NRXN1: variants seen among roughly 807,000 people sequenced by gnomAD.
The protein encoded by NRXN1 is neurexin 1, also known as neurexin-1.
NRXN1 carries 39 observed loss-of-function variants against 150.9 expected under a neutral mutation model. That is an observed-to-expected ratio of 0.26 (90% CI 0.20 to 0.34). The LOEUF (loss-of-function observed/expected upper bound fraction) is 0.34, where lower values mean the gene tolerates loss of function less well. Ranked by LOEUF, NRXN1 falls within the 10% of genes least tolerant of loss-of-function variation. The pLI, the probability that NRXN1 is intolerant of heterozygous loss-of-function variation, is 1.00. For synonymous variants in NRXN1, 924 were observed against 757.0 expected, an observed-to-expected ratio of 1.22 and a Z score of -3.62; for missense variants, 1,815 against 1,949.9, an observed-to-expected ratio of 0.93 and a Z score of 1.30.
At chr2:50,210,010 T>C (rs899319172) in intron 18 of NRXN1, among the ~76,000 whole-genome samples, 3 of 151,998 alleles carry the variant, frequency 2.0e-5, no homozygotes, top group African/African-American at 7.2e-5. Context: ...TCTCTAACAG[T>C]ATATTTTCCA....
At chr2:50,281,979 T>C (rs1394837697) in intron 17 of NRXN1, among the ~76,000 whole-genome samples, 1 of 152,204 alleles carries the variant, frequency 6.6e-6, no homozygotes, top group African/African-American at 2.4e-5. Flanking sequence ...ATTAATTCCA[T>C]TGTTACCATA....
chr2:50,477,244 G>T (rs935973695), intron 15 of NRXN1, among the ~76,000 whole-genome samples: 1 of 152,046 alleles, frequency 6.6e-6, no homozygotes, highest in Non-Finnish European at 1.5e-5. Flanking sequence ...ACTTATGACT[G>T]CTGGCTGAAA....
chr2:50,432,000 G>T (rs184135637), intron 17 of NRXN1, among the ~76,000 whole-genome samples: 4 of 152,146 alleles, frequency 2.6e-5, no homozygotes, highest in African/African-American at 7.2e-5. Context: ...AATAAGGCAG[G>T]CAATGCTACT....
At chr2:50,479,171 G>T (rs2090238678) in intron 15 of NRXN1, among the ~76,000 whole-genome samples, 1 of 152,052 alleles carries the variant, frequency 6.6e-6, no homozygotes, top group African/African-American at 2.4e-5. Flanking sequence ...CTTTTGCCAG[G>T]TAGAAGATTG....
chr2:50,627,827 G>A (rs1389506552), intron 5 of NRXN1, among the ~76,000 whole-genome samples: 1 of 151,670 alleles, frequency 6.6e-6, no homozygotes, highest in African/African-American at 2.4e-5. Flanking sequence ...TAACAGAAGT[G>A]GGACTAGGAT....
intron 5 of NRXN1, among the ~76,000 whole-genome samples, chr2:50,646,465 C>T (rs1479993061): frequency 6.6e-6 from 1 of 151,942 alleles, no homozygotes; most frequent in Non-Finnish European, 1.5e-5. Context: ...GTTTAAAATT[C>T]TTTAGATAGC....
rs188906677 is a variant in NRXN1, at chr2:50,682,935, T to C, written c.833-59320A>G. Among the ~76,000 whole-genome samples, 6 of 152,254 alleles carry C rather than the reference T, an allele frequency of 3.9e-5. No homozygotes were observed. The East Asian group carries it at 9.7e-4, about 25-fold the overall frequency. ...CACATTTGTATGCAAGTTTTACACA[T>C]ACATCTATACCTATATATGCATATA... On this transcript the variant is annotated intron_variant, in intron 5 of 22. Transcript: ENST00000401669.
intron 15 of NRXN1, among the ~76,000 whole-genome samples, chr2:50,492,514 G>T (rs1339369719): frequency 6.6e-6 from 1 of 152,106 alleles, no homozygotes; most frequent in Non-Finnish European, 1.5e-5. Context: ...ACAGAGCCAC[G>T]GACAAAAGAA....
At chr2:50,891,161 T>C (rs973559003) in intron 5 of NRXN1, among the ~76,000 whole-genome samples, 6 of 152,162 alleles carry the variant, frequency 3.9e-5, no homozygotes, top group African/African-American at 4.8e-5. Flanking sequence ...TAGTGATTTA[T>C]TGAAAGATCT....
At chr2:50,589,969 G>C (rs964382612) in intron 8 of NRXN1, among the ~76,000 whole-genome samples, 1 of 152,178 alleles carries the variant, frequency 6.6e-6, no homozygotes, top group Admixed American at 6.5e-5. Context: ...CTGGAATACA[G>C]CAGATTTTTC....
intron 5 of NRXN1, among the ~76,000 whole-genome samples, chr2:50,892,166 GA>G (rs1234539038): frequency 6.6e-6 from 1 of 152,066 alleles, no homozygotes; most frequent in Non-Finnish European, 1.5e-5. Flanking sequence ...ATAAAGCAGG[GA>G]AACTTGTATT....
chr2:50,137,094 T>A (rs1706532269), intron 18 of NRXN1, among the ~76,000 whole-genome samples: 1 of 151,958 alleles, frequency 6.6e-6, no homozygotes. Flanking sequence ...CCAAGTAGAT[T>A]TTTTTTTACT....
chr2:50,819,190 A>G (rs1174871605), intron 5 of NRXN1, among the ~76,000 whole-genome samples: 1 of 152,120 alleles, frequency 6.6e-6, no homozygotes, highest in African/African-American at 2.4e-5. Context: ...TATTCACCCA[A>G]AGGAACTGAA....
At chr2:50,219,438 A>C (rs958586786) in intron 18 of NRXN1, among the ~76,000 whole-genome samples, 2 of 151,948 alleles carry the variant, frequency 1.3e-5, no homozygotes, top group African/African-American at 2.4e-5. Flanking sequence ...TCTAGTTGAT[A>C]AAAAGGCCCT....
chr2:50,894,511 CTTAA>C (rs1394153859), intron 5 of NRXN1, among the ~76,000 whole-genome samples: 4 of 151,862 alleles, frequency 2.6e-5, no homozygotes, highest in Non-Finnish European at 4.4e-5. Flanking sequence ...ACGCAGAACA[CTTAA>C]TTAATATATT....
chr2:50,354,088 T>G (rs115280842), intron 17 of NRXN1, among the ~76,000 whole-genome samples: 2 of 152,152 alleles, frequency 1.3e-5, no homozygotes, highest in Non-Finnish European at 2.9e-5. Context: ...TGATCCAATA[T>G]AACTACAGGC....
chr2:50,511,804 T>C, intron 12 of NRXN1, among the ~76,000 whole-genome samples: 1 of 152,090 alleles, frequency 6.6e-6, no homozygotes, highest in East Asian at 1.9e-4. Flanking sequence ...AGACACACAC[T>C]CAAAAGATGG....
chr2:50,430,034 C>T (rs1182289042), intron 17 of NRXN1, among the ~76,000 whole-genome samples: 1 of 152,112 alleles, frequency 6.6e-6, no homozygotes, highest in East Asian at 1.9e-4. Flanking sequence ...TTTAACCTAC[C>T]TGACTCAGCC....
intron 2 of NRXN1, among the ~76,000 whole-genome samples, chr2:50,957,599 T>G (rs961612547): frequency 2.4e-4 from 36 of 152,268 alleles, no homozygotes; most frequent in African/African-American, 7.7e-4. Flanking sequence ...TAGTAATCAA[T>G]AAATGATTCT....
Sources: allele counts gnomAD v4.1 joint callset (sites outside exome capture counted in the v4.1 genomes callset), GRCh38; gene constraint gnomAD v4.1.1; transcripts MANE v1.5; gene names NCBI Gene and HGNC (gene_info 2026-07-23, HGNC 2026-07-21).